The following ATP6V1G1 variants were observed in gnomAD, a reference collection of about 807,000 sequenced individuals.
The protein encoded by ATP6V1G1 is V-type proton ATPase subunit G 1.
Under a neutral mutation model 14.2 loss-of-function variants are expected in ATP6V1G1, and 14 were observed. The ratio of observed to expected loss-of-function variants is 0.99; its 90% CI spans 0.65 to 1.55. The LOEUF (loss-of-function observed/expected upper bound fraction) is 1.55, where lower values mean the gene tolerates loss of function less well. Among genes scored for constraint, ATP6V1G1 ranks in the 40% most tolerant of loss-of-function variants. The pLI is 0.00. For missense variants in ATP6V1G1, 137 were observed against 146.4 expected (o/e 0.94, Z 0.33); for synonymous variants, 65 against 53.3 (o/e 1.22, Z -0.96).
chr9:114,593,645 ATCCATCATGCTCAGCTAAT>A (rs1442408267), intron 2 of ATP6V1G1, among the ~76,000 whole-genome samples: 1 of 152,006 alleles, frequency 6.6e-6, no homozygotes, highest in Non-Finnish European at 1.5e-5. Context: ...TGTAGGCATG[ATCCATCATGCTCAGCTAAT>A]TTTTTTTTTG....
rs1845254254 is a variant in ATP6V1G1, at chr9:114,597,667, A to C, written c.281A>C (p.Glu94Ala). ...LQTYFRQNRD[E>A]VLDNLLAFVC... ...ACATACTTCCGGCAGAACAGGGATG[A>C]AGTCTTGGACAACCTCTTGGCTTTT... Residue 94 changes from glutamate to alanine, a missense_variant, in exon 3 of 3, where the codon GAA becomes GCA. By Grantham distance (107) the Glu-to-Ala change is moderately radical (BLOSUM62 -1). Coordinates refer to ENST00000374050, the MANE Select transcript of ATP6V1G1 (RefSeq NM_004888.4). The C allele has an allele frequency of 6.3e-7, 1 of 1,596,128 alleles. No homozygotes were observed.
At chr9:114,589,281 A>G (rs980776095) in intron 1 of ATP6V1G1, among the ~76,000 whole-genome samples, 19 of 152,162 alleles carry the variant, frequency 1.2e-4, no homozygotes, top group Non-Finnish European at 2.6e-4. Flanking sequence ...ACTATGTCTC[A>G]TTTAACTTTA....
Position 114,592,567 on chromosome 9 carries a change from T to C in ATP6V1G1, c.98T>C (p.Leu33Pro). Residue 33 changes from leucine to proline, a missense_variant, in exon 2 of 3, where the codon CTG becomes CCG. By Grantham distance (98) the Leu-to-Pro change is moderately conservative. Transcript: ENST00000374050. ...SEARKRKNRR[L>P]KQAKEEAQAE... The stretch of plus-strand genomic sequence containing the variant: ...TTGAAAACAGGAAAGAACCGGAGGC[T>C]GAAGCAGGCCAAAGAAGAAGCTCAG... 3 of 1,566,198 alleles carry C rather than the reference T, an allele frequency of 1.9e-6. No homozygotes were observed. Among genetic ancestry groups the C allele is most frequent in the Non-Finnish European group, 2.6e-6 (3 of 1,155,164 alleles).
chr9:114,591,907 T>A (rs1220608276), intron 1 of ATP6V1G1, among the ~76,000 whole-genome samples: 2 of 152,054 alleles, frequency 1.3e-5, no homozygotes, highest in Non-Finnish European at 2.9e-5. Flanking sequence ...ACCTAGAGAT[T>A]TTTTCCAGCT....
At chr9:114,588,072 A>G in intron 1 of ATP6V1G1, 152 bp downstream of exon 1, 1 of 796,958 alleles carries the variant, frequency 1.3e-6, no homozygotes, top group Non-Finnish European at 1.9e-6. Flanking sequence ...TGAGGAGCTG[A>G]GGCTCTGGAA....
chr9:114,588,031 T>A (rs1293614945), intron 1 of ATP6V1G1, 111 bp downstream of exon 1: 1 of 1,186,926 alleles, frequency 8.4e-7, no homozygotes, highest in African/African-American at 1.5e-5. Flanking sequence ...GGCGTGCGTA[T>A]AGTCGCGGAA....
At chr9:114,589,509 T>C (rs551060240) in intron 1 of ATP6V1G1, among the ~76,000 whole-genome samples, 1 of 152,326 alleles carries the variant, frequency 6.6e-6, no homozygotes, top group African/African-American at 2.4e-5. Context: ...TCCAACTAGA[T>C]TTCAAGCATG....
intron 2 of ATP6V1G1, among the ~76,000 whole-genome samples, chr9:114,595,837 G>T (rs897076777): frequency 6.6e-6 from 1 of 152,066 alleles, no homozygotes; most frequent in East Asian, 1.9e-4. Flanking sequence ...AATAGGTAAT[G>T]GAGAGACTCC....
chr9:114,598,718 C>G lies in ATP6V1G1; in HGVS notation c.*975C>G, dbSNP rs917089399. Among the ~76,000 whole-genome samples, 1 of 152,162 alleles carries G rather than the reference C, an allele frequency of 6.6e-6. No homozygotes were observed. Among genetic ancestry groups the G allele is most frequent in the African/African-American group, 2.4e-5 (1 of 41,428 alleles). ...ATGATGTGCATTATACCTGTAGTAC[C>G]TTCATACTAGCCCTTACAAGTTAAA... On this transcript the variant is annotated 3_prime_UTR_variant, in exon 3 of 3. Transcript: ENST00000374050.
Position 114,598,137 on chromosome 9 carries a change from T to C in ATP6V1G1, c.*394T>C, listed in dbSNP as rs1055621411. 2.6e-5 allele frequency: 4 copies of C among 152,852 alleles called. No individual in the cohort carries two copies. Among genetic ancestry groups the C allele is most frequent in the African/African-American group, 9.7e-5 (4 of 41,402 alleles). 9.5% of individuals were successfully genotyped at this position (152,852 alleles called of 1,614,324 possible). A position where few individuals can be genotyped will look rare whatever the true frequency, so the allele number is the denominator to read the frequency against. On this transcript the variant is annotated 3_prime_UTR_variant, in exon 3 of 3. Transcript: ENST00000374050. ...TTTTTCCCTAACACTTTCTTGAAGG[T>C]CAGGGGCTTTATCTATGAAAAAGTA...
At chr9:114,590,410 C>T (rs1185967877) in intron 1 of ATP6V1G1, among the ~76,000 whole-genome samples, 6 of 151,766 alleles carry the variant, frequency 4.0e-5, no homozygotes, top group Non-Finnish European at 8.8e-5. Flanking sequence ...GTGCCTACCA[C>T]CATGCCCATC....
intron 1 of ATP6V1G1, among the ~76,000 whole-genome samples, chr9:114,588,321 C>T (rs1845148105): frequency 6.6e-6 from 1 of 152,008 alleles, no homozygotes; most frequent in South Asian, 2.1e-4. Flanking sequence ...CTCCCTCCCT[C>T]ATTTAGTCAG....
chr9:114,589,158 G>T (rs1337514415), intron 1 of ATP6V1G1, among the ~76,000 whole-genome samples: 1 of 152,140 alleles, frequency 6.6e-6, no homozygotes, highest in East Asian at 1.9e-4. Flanking sequence ...ACTCATGCTT[G>T]TCCCCCGGAC....
intron 1 of ATP6V1G1, 43 bp from the exon 2 acceptor site, chr9:114,592,501 GCTTTTCTA>G (rs1845192580): frequency 2.0e-6 from 3 of 1,500,742 alleles, no homozygotes; most frequent in Non-Finnish European, 2.7e-6. Context: ...GTCTCTGCTT[GCTTTTCTA>G]CTTTTAACCA....
rs887229749 is a variant in ATP6V1G1, at chr9:114,598,357, A to G, written c.*614A>G. ...GGTGTATCGATAATCATTTAAAAGT[A>G]AAGACTCTGTCATGCATTTTTCCCC... On this transcript the variant is annotated 3_prime_UTR_variant, in exon 3 of 3. Transcript: ENST00000374050. The G allele has an allele frequency of 1.3e-5, 2 of 152,602 alleles. No individual in the cohort carries two copies. Among genetic ancestry groups the G allele is most frequent in the African/African-American group, 4.8e-5 (2 of 41,454 alleles). 9.5% of individuals were successfully genotyped at this position (152,602 alleles called of 1,614,324 possible). A position where few individuals can be genotyped will look rare whatever the true frequency, so the allele number is the denominator to read the frequency against.
In ATP6V1G1 at chr9:114,589,064, A is replaced by G. The variant is rs558169015; in HGVS notation, c.82+1144A>G. On this transcript the variant is annotated intron_variant, in intron 1 of 2. Coordinates refer to ENST00000374050, the MANE Select transcript of ATP6V1G1 (RefSeq NM_004888.4). ...CTTCTGACGTGAGAAGCCTTTTCCA[A>G]TTCTCCTCCCCTTTGTTCTCTGACC... Among the ~76,000 whole-genome samples the G allele has an allele frequency of 2.6e-5, 4 of 152,068 alleles. No individual in the cohort carries two copies. The South Asian group carries it at 8.3e-4, about 32-fold the overall frequency.
chr9:114,596,739 A>G (rs952347934), intron 2 of ATP6V1G1, among the ~76,000 whole-genome samples: 9 of 152,140 alleles, frequency 5.9e-5, no homozygotes, highest in African/African-American at 1.9e-4. Context: ...GACTACAGGC[A>G]TGCACCACCA....
In ATP6V1G1 at chr9:114,597,678, A is replaced by G. The variant is rs1845254287; in HGVS notation, c.292A>G (p.Asn98Asp). The change falls in exon 3 of 3, where the codon AAC becomes GAC. Residue 98 changes from asparagine (N) to aspartate (D), a missense_variant. Asn to Asp is a conservative substitution (Grantham distance 23). Coordinates refer to ENST00000374050, the MANE Select transcript of ATP6V1G1 (RefSeq NM_004888.4). ...GCAGAACAGGGATGAAGTCTTGGACAACCTCTTGGCTTTTGTCTGTGACAT... is the reference window on the plus strand; with the variant it reads ...GCAGAACAGGGATGAAGTCTTGGACGACCTCTTGGCTTTTGTCTGTGACAT... ...FRQNRDEVLD[N>D]LLAFVCDIRP... 3.1e-6 allele frequency: 5 copies of G among 1,595,882 alleles called. No homozygotes were observed. The South Asian group carries it at 5.7e-5, about 18-fold the overall frequency.
At chr9:114,594,868 T>C (rs1293555423) in intron 2 of ATP6V1G1, among the ~76,000 whole-genome samples, 4 of 148,536 alleles carry the variant, frequency 2.7e-5, no homozygotes, top group Non-Finnish European at 6.0e-5. Flanking sequence ...TTTCTTTTTT[T>C]TTTTTTTTTT....
Sources: gnomAD v4.1 joint callset for allele counts (sites outside exome capture counted in the v4.1 genomes callset) on GRCh38, gnomAD v4.1.1 for gene constraint, MANE v1.5 for transcripts, NCBI Gene and HGNC (gene_info 2026-07-23, HGNC 2026-07-21) for gene names.